The following PTK2 variants were observed in gnomAD, a reference collection of about 807,000 sequenced individuals.
PTK2 encodes the protein focal adhesion kinase 1.
Under a neutral mutation model 150.1 loss-of-function variants are expected in PTK2, and 45 were observed. That is an observed-to-expected ratio of 0.30 (90% CI 0.24 to 0.38). The LOEUF is 0.38. PTK2 is among the 10% of genes least tolerant of loss of function. PTK2 has a pLI of 1.00. For synonymous variants in PTK2, 432 were observed against 449.2 expected (o/e 0.96, Z 0.48); for missense variants, 919 against 1,307.3 (o/e 0.70, Z 4.58).
At chr8:140,889,073 C>T (rs770727775) in intron 3 of PTK2, among the ~76,000 whole-genome samples, 13 of 151,018 alleles carry the variant, frequency 8.6e-5, no homozygotes, top group East Asian at 5.8e-4. Context: ...AAACAGAAAA[C>T]GCAAAAAAGC....
At chr8:140,839,314 C>T (rs2100120858) in intron 7 of PTK2, among the ~76,000 whole-genome samples, 1 of 152,178 alleles carries the variant, frequency 6.6e-6, no homozygotes, top group Non-Finnish European at 1.5e-5. Flanking sequence ...GCAGTGTAAA[C>T]AAAGCCCCCT....
chr8:140,827,765 A>C (rs904969991), intron 8 of PTK2, among the ~76,000 whole-genome samples: 1 of 152,216 alleles, frequency 6.6e-6, no homozygotes, highest in Non-Finnish European at 1.5e-5. Context: ...ACAATGTCAA[A>C]CAAAGGGTGT....
In PTK2 at chr8:140,785,732, C is replaced by T. The variant is rs528050191; in HGVS notation, c.1177+3742G>A. 8.5e-5 allele frequency among the ~76,000 whole-genome samples: 13 copies of T among 152,224 alleles called. 1 individual carries two copies. The highest frequency in any genetic ancestry group is 2.1e-4 in the South Asian group (1 of 4,818). ...TAGAGGGTAATAATGACCTGAGTTC[C>T]GATCCTAGTGCCATCATTTTCAAGC... On this transcript the variant is annotated intron_variant, in intron 14 of 31. Coordinates refer to ENST00000522684, the Ensembl canonical transcript of PTK2.
At chr8:140,793,023 T>C (rs1422747395) in intron 13 of PTK2, among the ~76,000 whole-genome samples, 7 of 152,254 alleles carry the variant, frequency 4.6e-5, no homozygotes, top group Admixed American at 4.6e-4. Flanking sequence ...TTAATTTTCA[T>C]ACTTGTAAAA....
intron 13 of PTK2, among the ~76,000 whole-genome samples, chr8:140,790,830 C>A (rs1440273562): frequency 6.6e-6 from 1 of 152,176 alleles, no homozygotes; most frequent in Non-Finnish European, 1.5e-5. Context: ...TTTATCACAA[C>A]TTATCTTTGA....
chr8:140,748,764 CA>C (rs1336445343), intron 17 of PTK2, among the ~76,000 whole-genome samples: 1 of 152,094 alleles, frequency 6.6e-6, no homozygotes, highest in African/African-American at 2.4e-5. Flanking sequence ...TTTCTAGTAT[CA>C]GGGCTAAGAA....
intron 30 of PTK2, 30 bp from the exon 35 acceptor site, chr8:140,665,027 G>T: frequency 1.9e-6 from 3 of 1,573,004 alleles, no homozygotes; most frequent in African/African-American, 1.4e-5. Flanking sequence ...ACCAATATTA[G>T]AACACACACA....
intron 23 of PTK2, among the ~76,000 whole-genome samples, chr8:140,709,324 C>T (rs1323469208): frequency 6.6e-6 from 1 of 152,098 alleles, no homozygotes. Context: ...CACAAGGTTC[C>T]ATTTCAAAAT....
chr8:140,920,726 A>C, intron 2 of PTK2: 1 of 1,213,814 alleles, frequency 8.2e-7, no homozygotes, highest in Non-Finnish European at 1.1e-6. Flanking sequence ...AAATATATTG[A>C]AATAAATTCT....
chr8:140,813,483 C>G (rs1212011213), intron 10 of PTK2, among the ~76,000 whole-genome samples: 1 of 151,578 alleles, frequency 6.6e-6, no homozygotes, highest in Non-Finnish European at 1.5e-5. Flanking sequence ...AAAATCATGA[C>G]TGAGAAATTT....
At chr8:140,893,709 G>C (rs572235801) in intron 2 of PTK2, among the ~76,000 whole-genome samples, 1 of 152,168 alleles carries the variant, frequency 6.6e-6, no homozygotes, top group African/African-American at 2.4e-5. Flanking sequence ...TTAGATCATG[G>C]TGATGGTTGA....
At chr8:140,665,576 T>C (rs1563867029) in intron 30 of PTK2, among the ~76,000 whole-genome samples, 1 of 152,230 alleles carries the variant, frequency 6.6e-6, no homozygotes, top group Non-Finnish European at 1.5e-5. Flanking sequence ...AAAAAGGGTC[T>C]AACTATGATT....
chr8:140,976,972 TG>T (rs1375874525), intron 1 of PTK2, among the ~76,000 whole-genome samples: 1 of 152,038 alleles, frequency 6.6e-6, no homozygotes, highest in Non-Finnish European at 1.5e-5. Flanking sequence ...CAAGATACAA[TG>T]AAAAAAAGCT....
At chr8:140,676,417 T>A (rs981688313) in intron 27 of PTK2, among the ~76,000 whole-genome samples, 1 of 148,038 alleles carries the variant, frequency 6.8e-6, no homozygotes, top group Non-Finnish European at 1.5e-5. Flanking sequence ...TTAATTAATA[T>A]ATATATTCCT....
intron 7 of PTK2, among the ~76,000 whole-genome samples, chr8:140,831,837 G>T (rs1274084394): frequency 1.3e-5 from 2 of 152,056 alleles, no homozygotes; most frequent in Non-Finnish European, 2.9e-5. Flanking sequence ...ATGAAGGGGG[G>T]AAAAGAATCC....
intron 10 of PTK2, among the ~76,000 whole-genome samples, chr8:140,811,390 TAAAC>T (rs759409869): frequency 2.0e-5 from 3 of 152,008 alleles, no homozygotes; most frequent in Admixed American, 1.3e-4. Flanking sequence ...TCAAATAGGA[TAAAC>T]AAACAAACAA....
Position 140,752,336 on chromosome 8 carries a change from G to T in PTK2, c.1333-20C>A. ...ATTCTCCTGTGTTAGGGAAATTATAGAATCACACACACATGCAAAAAGGTT... is the reference window on the plus strand; with the variant it reads ...ATTCTCCTGTGTTAGGGAAATTATATAATCACACACACATGCAAAAAGGTT... On this transcript the variant is annotated intron_variant, in intron 16 of 31. Coordinates refer to ENST00000522684, the Ensembl canonical transcript of PTK2. 1 of 1,602,488 alleles carries T rather than the reference G, an allele frequency of 6.2e-7. No individual in the cohort carries two copies. Among genetic ancestry groups the T allele is most frequent in the Non-Finnish European group, 8.5e-7 (1 of 1,170,226 alleles).
intron 29 of PTK2, chr8:140,672,022 T>C (rs978670338): frequency 5.5e-6 from 2 of 362,302 alleles, no homozygotes; most frequent in Admixed American, 3.7e-5. Flanking sequence ...CCTATCCTAA[T>C]TGTATGTATT....
intron 29 of PTK2, 90 bp downstream of exon 33, chr8:140,669,637 G>A (rs1326384120): frequency 1.4e-6 from 2 of 1,437,704 alleles, no homozygotes; most frequent in East Asian, 5.0e-5. Flanking sequence ...CTCCCACTTG[G>A]GCTTCCTGCT....
Sources: allele counts gnomAD v4.1 joint callset (sites outside exome capture counted in the v4.1 genomes callset), GRCh38; gene constraint gnomAD v4.1.1; transcripts MANE v1.5; gene names NCBI Gene and HGNC (gene_info 2026-07-23, HGNC 2026-07-21).